Variants in PRMT8 observed in about 807,000 individuals in gnomAD.
PRMT8 encodes the protein protein arginine methyltransferase 8.
PRMT8 carries 7 observed loss-of-function variants against 47.1 expected under a neutral mutation model. The observed-to-expected ratio is 0.15, with a 90% CI of 0.08 to 0.28. PRMT8 has a LOEUF of 0.28. PRMT8 is among the 10% of genes least tolerant of loss of function. The pLI is 1.00. For synonymous variants in PRMT8, 188 were observed against 186.5 expected (o/e 1.01, Z -0.07); for missense variants, 237 against 505.4 (o/e 0.47, Z 5.09).
intron 1 of PRMT8, among the ~76,000 whole-genome samples, chr12:3,390,989 T>G (rs1324645212): frequency 2.6e-5 from 4 of 152,232 alleles, no homozygotes; most frequent in African/African-American, 9.6e-5. Context: ...GCCAATGGTA[T>G]AGGCCATTCC....
chr12:3,466,107 T>C (rs967781206), intron 1 of PRMT8, among the ~76,000 whole-genome samples: 1 of 152,176 alleles, frequency 6.6e-6, no homozygotes, highest in Non-Finnish European at 1.5e-5. Flanking sequence ...AAGGTGACGC[T>C]GCACTGTGCC....
At chr12:3,469,986 T>TG (rs1303711978) in intron 1 of PRMT8, among the ~76,000 whole-genome samples, 1 of 152,136 alleles carries the variant, frequency 6.6e-6, no homozygotes, top group Non-Finnish European at 1.5e-5. Context: ...CCCTGCACTC[T>TG]GGGGGGAATG....
intron 1 of PRMT8, among the ~76,000 whole-genome samples, chr12:3,470,072 C>T (rs559362570): frequency 2.6e-5 from 4 of 152,304 alleles, no homozygotes; most frequent in African/African-American, 7.2e-5. Context: ...TTTCAAAACG[C>T]TCAATTATAA....
intron 1 of PRMT8, among the ~76,000 whole-genome samples, chr12:3,414,307 G>C (rs552744870): frequency 7.9e-5 from 12 of 152,326 alleles, no homozygotes; most frequent in African/African-American, 2.9e-4. Flanking sequence ...TCTGACTCCA[G>C]ATGTCTGGGT....
rs540045979 is a variant in PRMT8, at chr12:3,562,640, C to T, written c.482-6066C>T. Among the ~76,000 whole-genome samples, 144 of 152,320 alleles carry T rather than the reference C, an allele frequency of 9.5e-4. 3 individuals are homozygous for T. The South Asian group carries it at 0.028, about 30-fold the overall frequency. ...ATTGCGTGCGCTCATCTCTTCTCAA[C>T]TCTGCCTTGAATGACATCATCTGTG... On this transcript the variant is annotated intron_variant, in intron 4 of 9. Transcript: ENST00000382622.
chr12:3,383,985 T>G (rs569723423), intron 1 of PRMT8, among the ~76,000 whole-genome samples: 1 of 152,358 alleles, frequency 6.6e-6, no homozygotes, highest in East Asian at 1.9e-4. Context: ...TCTTTGGAAT[T>G]TTCTACATAG....
chr12:3,539,276 G>A (rs1866177276), intron 1 of PRMT8, among the ~76,000 whole-genome samples: 1 of 152,148 alleles, frequency 6.6e-6, no homozygotes, highest in African/African-American at 2.4e-5. Context: ...TATGATTTGT[G>A]TTCTATAGAG....
In PRMT8 at chr12:3,564,602, C is replaced by A. The variant is rs536107173; in HGVS notation, c.482-4104C>A. On this transcript the variant is annotated intron_variant, in intron 4 of 9. Transcript: ENST00000382622. The surrounding 1 kb of genome is among the most constrained non-coding windows in gnomAD (Gnocchi z 4.0). The stretch of plus-strand genomic sequence containing the variant: ...TTCTGATTAATCATTCTGTAATTTA[C>A]CAGCCAGAGTCCTGTCATAGTTCGT... 1.3e-5 allele frequency among the ~76,000 whole-genome samples: 2 copies of A among 152,324 alleles called. No individual in the cohort carries two copies. Among genetic ancestry groups the A allele is most frequent in the South Asian group, 2.1e-4 (1 of 4,826 alleles).
chr12:3,573,330 CT>C (rs775223381), intron 6 of PRMT8, among the ~76,000 whole-genome samples: 1 of 152,126 alleles, frequency 6.6e-6, no homozygotes. Context: ...TTTCCACTGG[CT>C]TTTTTAAAAA....
At chr12:3,444,827 T>C (rs1056865896) in intron 1 of PRMT8, among the ~76,000 whole-genome samples, 1 of 152,222 alleles carries the variant, frequency 6.6e-6, no homozygotes, top group Non-Finnish European at 1.5e-5. Flanking sequence ...AAAAGCTGCA[T>C]TGGGGCTGCC....
At chr12:3,416,465 G>A (rs1478978975) in intron 1 of PRMT8, among the ~76,000 whole-genome samples, 1 of 152,188 alleles carries the variant, frequency 6.6e-6, no homozygotes, top group Non-Finnish European at 1.5e-5. Context: ...TTCTCCATTT[G>A]GTGGCGTGCT....
At chr12:3,524,142 G>A (rs1865920045) in intron 1 of PRMT8, among the ~76,000 whole-genome samples, 1 of 152,144 alleles carries the variant, frequency 6.6e-6, no homozygotes, top group Non-Finnish European at 1.5e-5. Context: ...GCCACCAAAG[G>A]TGGAAAAATT....
At chr12:3,499,108 T>C (rs1041003501) in intron 1 of PRMT8, among the ~76,000 whole-genome samples, 2 of 152,086 alleles carry the variant, frequency 1.3e-5, no homozygotes, top group African/African-American at 4.8e-5. Context: ...GCCACTCTAA[T>C]CCAATATGAC....
intron 1 of PRMT8, among the ~76,000 whole-genome samples, chr12:3,467,961 C>T (rs983601663): frequency 2.6e-5 from 4 of 152,212 alleles, no homozygotes; most frequent in African/African-American, 9.6e-5. Flanking sequence ...GGCGGGGGCT[C>T]TTGTCCAAGA....
intron 1 of PRMT8, among the ~76,000 whole-genome samples, chr12:3,530,863 G>A (rs556644320): frequency 1.1e-4 from 17 of 152,346 alleles, no homozygotes; most frequent in Non-Finnish European, 2.1e-4. Flanking sequence ...CACGCTCAGC[G>A]TCTTCCAGTC....
At chr12:3,534,057 G>A (rs1292996086) in intron 1 of PRMT8, among the ~76,000 whole-genome samples, 1 of 152,254 alleles carries the variant, frequency 6.6e-6, no homozygotes, top group East Asian at 1.9e-4. Context: ...AGGGAAGAAG[G>A]TGAAGGCGGT....
At chr12:3,565,261 CT>C (rs933798017) in intron 4 of PRMT8, among the ~76,000 whole-genome samples, 45 of 146,878 alleles carry the variant, frequency 3.1e-4, no homozygotes, top group South Asian at 1.1e-3. Context: ...AACCTCCCTT[CT>C]TTTTTTTTTT....
intron 4 of PRMT8, among the ~76,000 whole-genome samples, chr12:3,554,908 G>A (rs926290459): frequency 6.6e-6 from 1 of 152,186 alleles, no homozygotes; most frequent in Admixed American, 6.5e-5. Flanking sequence ...CTGCTGCCCT[G>A]TCACCCCTCT....
At chr12:3,533,935 C>A (rs1040350775) in intron 1 of PRMT8, among the ~76,000 whole-genome samples, 2 of 152,194 alleles carry the variant, frequency 1.3e-5, no homozygotes, top group Non-Finnish European at 2.9e-5. Context: ...TTATGCAGAA[C>A]GGGAGCCACA....
Sources: gnomAD v4.1 joint callset for allele counts (sites outside exome capture counted in the v4.1 genomes callset) on GRCh38, gnomAD v4.1.1 for gene constraint, Gnocchi (gnomAD v3.1) non-coding constraint, MANE v1.5 for transcripts, NCBI Gene and HGNC (gene_info 2026-07-23, HGNC 2026-07-21) for gene names.